MOK: variants seen among roughly 807,000 people sequenced by gnomAD.
MOK encodes the protein MAPK/MAK/MRK overlapping kinase.
Under a neutral mutation model 54.2 loss-of-function variants are expected in MOK, and 59 were observed. That is an observed-to-expected ratio of 1.09 (90% CI 0.88 to 1.35). The LOEUF (loss-of-function observed/expected upper bound fraction) is 1.35, where lower values mean the gene tolerates loss of function less well. Ranked by LOEUF, MOK falls within the 40% of genes most tolerant of loss-of-function variation. MOK has a pLI of 0.00. For missense variants in MOK, 517 were observed against 526.2 expected (o/e 0.98, Z 0.17); for synonymous variants, 210 against 202.7 (o/e 1.04, Z -0.31).
chr14:102,242,104 C>T (rs1011378198), intron 7 of MOK, among the ~76,000 whole-genome samples: 2 of 152,214 alleles, frequency 1.3e-5, no homozygotes, highest in Non-Finnish European at 2.9e-5. Context: ...CGGCTGAAGA[C>T]TAATGCTACC....
In MOK at chr14:102,229,437, A is replaced by C. The variant is rs1355185906; in HGVS notation, c.1182+20T>G. On this transcript the variant is annotated intron_variant, in intron 11 of 11. Transcript: ENST00000361847. The stretch of plus-strand genomic sequence containing the variant: ...CTGGGTCGAAGAGCAGCGCCGTCAG[A>C]GAAGCTGGTTCCGCGCTACCTTCTT... 1.2e-6 allele frequency: 2 copies of C among 1,614,104 alleles called. No individual in the cohort carries two copies. The highest frequency in any genetic ancestry group is 8.5e-7 in the Non-Finnish European group (1 of 1,180,040).
chr14:102,286,287 A>C (rs1567229376), intron 1 of MOK, among the ~76,000 whole-genome samples: 1 of 116,170 alleles, frequency 8.6e-6, no homozygotes, highest in African/African-American at 3.4e-5. Flanking sequence ...CGACAGAGCG[A>C]GACTCCGTCT....
Position 102,305,128 on chromosome 14 carries a change from T to G in MOK, c.-160A>C, listed in dbSNP as rs1597688431. The G allele has an allele frequency of 1.2e-6, 1 of 855,440 alleles. No individual in the cohort carries two copies. Among genetic ancestry groups the G allele is most frequent in the East Asian group, 2.7e-5 (1 of 37,298 alleles). The allele number at this position is 855,440 out of a possible 1,614,324, so 53.0% of individuals were successfully genotyped here. A position where few individuals can be genotyped will look rare whatever the true frequency, so the allele number is the denominator to read the frequency against. On this transcript the variant is annotated 5_prime_UTR_variant, in exon 1 of 12. The change abolishes an upstream ATG in the 5' untranslated region. Transcript: ENST00000361847. ...GAGAGCGTTAGAGATCCCGCCGCCA[T>G]GTTGTGTCCCTGTCACCCTAGCAAC...
At chr14:102,216,822 C>T in the MOK span, among the ~76,000 whole-genome samples, 1 of 152,080 alleles carries the variant, frequency 6.6e-6, no homozygotes, top group South Asian at 2.1e-4. Flanking sequence ...CCCAGCTACT[C>T]GGAAGGCTGA....
At chr14:102,264,102 T>C (rs2067690341) in intron 3 of MOK, 1 of 153,182 alleles carries the variant, frequency 6.5e-6, no homozygotes, top group African/African-American at 2.4e-5. Context: ...TCCCAGCTGC[T>C]CGGGAGGCTG....
downstream of MOK, among the ~76,000 whole-genome samples, chr14:102,219,533 G>C (rs2153061588): frequency 1.3e-5 from 2 of 152,376 alleles, no homozygotes; most frequent in Middle Eastern, 6.8e-3. Context: ...CTGGAGAACT[G>C]GAGGCCGGGC....
chr14:102,278,631 G>T (rs1055495234), intron 2 of MOK: 1 of 454,256 alleles, frequency 2.2e-6, no homozygotes, highest in African/African-American at 2.0e-5. Context: ...GCTCCACGAC[G>T]TGTAGGTTGG....
rs1354535173 is a variant in MOK at position 102,240,786 on chromosome 14, T to C, written c.591-6997A>G. 6.6e-6 allele frequency among the ~76,000 whole-genome samples: 1 copy of C among 152,168 alleles called. No individual in the cohort carries two copies. Among genetic ancestry groups the C allele is most frequent in the African/African-American group, 2.4e-5 (1 of 41,454 alleles). The stretch of plus-strand genomic sequence containing the variant: ...GCCTGCTTTGGCTGCTCACCCACAT[T>C]GCAGCCCAGGGCTGCTCACCACCCT... On this transcript the variant is annotated intron_variant, in intron 7 of 11. Transcript: ENST00000361847. The surrounding 1 kb of genome is among the most constrained non-coding windows in gnomAD (Gnocchi z 5.4).
chr14:102,293,020 C>A (rs1473865616), intron 1 of MOK, among the ~76,000 whole-genome samples: 1 of 152,128 alleles, frequency 6.6e-6, no homozygotes, highest in Non-Finnish European at 1.5e-5. Flanking sequence ...GCAATCCCAG[C>A]TGCTAGCAAG....
intron 1 of MOK, among the ~76,000 whole-genome samples, chr14:102,302,704 T>C (rs2072371781): frequency 1.3e-5 from 2 of 151,794 alleles, no homozygotes; most frequent in African/African-American, 2.4e-5. Flanking sequence ...TGTGAGCCAC[T>C]GCGCCCAGGC....
intron 1 of MOK, among the ~76,000 whole-genome samples, chr14:102,289,403 G>A (rs191486419): frequency 6.6e-6 from 1 of 152,292 alleles, no homozygotes; most frequent in Admixed American, 6.5e-5. Flanking sequence ...TACTGCTAAG[G>A]TGCAAAACAA....
intron 1 of MOK, among the ~76,000 whole-genome samples, chr14:102,296,886 T>C (rs758938850): frequency 3.3e-5 from 5 of 150,632 alleles, no homozygotes; most frequent in Non-Finnish European, 7.4e-5. Context: ...GGTGAAACCC[T>C]GTCTCTACTA....
At chr14:102,215,318 C>G in the MOK span, among the ~76,000 whole-genome samples, 1 of 152,318 alleles carries the variant, frequency 6.6e-6, no homozygotes, top group East Asian at 1.9e-4. Flanking sequence ...AGAATGCAGA[C>G]ATTCTGAAGT....
rs749094188 is a variant in MOK, at chr14:102,283,548, CT to C, written c.51del (p.Val18LeufsTer2). 6.2e-7 allele frequency: 1 copy of C among 1,613,596 alleles called. No homozygotes were observed. The highest frequency in any genetic ancestry group is 1.1e-5 in the South Asian group (1 of 90,996). On this transcript the variant is annotated frameshift_variant, in exon 2 of 12. Coordinates refer to ENST00000361847, the MANE Select transcript of MOK (RefSeq NM_014226.3). LOFTEE classifies it high-confidence loss of function. ...IGKIGEGTFS[E>X]VMKMQSLRDG... ...TCTCTCAGGCTTTGCATCTTCATAA[CT>C]TCAGAAAACGTTCCCTCTCCTATTT...
the MOK span, among the ~76,000 whole-genome samples, chr14:102,216,414 C>T: frequency 2.0e-5 from 3 of 152,102 alleles, no homozygotes; most frequent in African/African-American, 7.2e-5. Flanking sequence ...ATCTAGGCCT[C>T]TTGAGTAACT....
chr14:102,280,037 G>A (rs1379790879), intron 2 of MOK, among the ~76,000 whole-genome samples: 1 of 151,652 alleles, frequency 6.6e-6, no homozygotes, highest in Non-Finnish European at 1.5e-5. Flanking sequence ...AACTGTGCAA[G>A]GTGACTCTGG....
Position 102,232,962 on chromosome 14 carries a change from G to A in MOK, c.693-254C>T, listed in dbSNP as rs1487066745. ...CTCGAGGCAGGTGCTGACGACAGGG[G>A]AGGCTGTGTGCACATGGGGACAGGG... On this transcript the variant is annotated intron_variant, in intron 8 of 11. Transcript: ENST00000361847. This position sits in a 1 kb window ranked among gnomAD's most constrained non-coding sequence, Gnocchi z 5.1. The A allele has an allele frequency of 1.3e-5, 4 of 313,034 alleles. No individual in the cohort carries two copies. Among genetic ancestry groups the A allele is most frequent in the Middle Eastern group, 8.2e-4 (1 of 1,222 alleles). The allele number at this position is 313,034 out of a possible 1,614,324, so 19.4% of individuals were successfully genotyped here.
At position 102,250,055 on chromosome 14, in the gene MOK, G is replaced by A. The variant is rs1218065301; in HGVS notation, c.590+757C>T. Among the ~76,000 whole-genome samples, 3 of 152,322 alleles carry A rather than the reference G, an allele frequency of 2.0e-5. 1 individual carries two copies. The South Asian group carries it at 6.2e-4, about 32-fold the overall frequency. On this transcript the variant is annotated intron_variant, in intron 7 of 11. Coordinates refer to ENST00000361847, the MANE Select transcript of MOK (RefSeq NM_014226.3). ...CTCTTGGTTGACACTTCTGGCTGCA[G>A]TGAAATTGCCATTCAGCTTTCCAAA...
At chr14:102,260,176 C>CAAAAAAA (rs770385409) in intron 4 of MOK, among the ~76,000 whole-genome samples, 1 of 76,256 alleles carries the variant, frequency 1.3e-5, no homozygotes, top group Non-Finnish European at 2.8e-5. Flanking sequence ...AACTCCATCT[C>CAAAAAAA]AAAAAAAAAA....
Sources: gnomAD v4.1 joint callset for allele counts (sites outside exome capture counted in the v4.1 genomes callset) on GRCh38, gnomAD v4.1.1 for gene constraint, Gnocchi (gnomAD v3.1) non-coding constraint, MANE v1.5 for transcripts, NCBI Gene and HGNC (gene_info 2026-07-23, HGNC 2026-07-21) for gene names.